The following IFNAR1 variants were observed in gnomAD, a reference collection of about 807,000 sequenced individuals.
IFNAR1 encodes the protein interferon alpha and beta receptor subunit 1.
In IFNAR1, 47 loss-of-function variants were observed where a neutral mutation model predicts 62.1. That is an observed-to-expected ratio of 0.76 (90% CI 0.60 to 0.97). The LOEUF (loss-of-function observed/expected upper bound fraction) is 0.97. IFNAR1 is among the 50% of genes least tolerant of loss of function. The probability of loss-of-function intolerance (pLI) is 0.00; values close to 1 mark genes in which losing one functional copy is unlikely to be tolerated. For synonymous variants in IFNAR1, 219 were observed against 226.9 expected (o/e 0.97, Z 0.31); for missense variants, 638 against 654.5 (o/e 0.97, Z 0.27).
At chr21:33,325,396 C>T (rs1018941072) in intron 1 of IFNAR1, among the ~76,000 whole-genome samples, 1 of 152,190 alleles carries the variant, frequency 6.6e-6, no homozygotes, top group Non-Finnish European at 1.5e-5. Context: ...ATGGCGGTGC[C>T]AGAGCTTTGT....
intron 6 of IFNAR1, among the ~76,000 whole-genome samples, chr21:33,347,330 G>T (rs567499421): frequency 2.0e-5 from 3 of 152,154 alleles, no homozygotes; most frequent in African/African-American, 7.2e-5. Flanking sequence ...GGGTTTCACC[G>T]TATTGGCCAG....
intron 9 of IFNAR1, 54 bp downstream of exon 9, chr21:33,352,962 A>G (rs1222217436): frequency 6.2e-6 from 8 of 1,286,450 alleles, no homozygotes; most frequent in Middle Eastern, 2.0e-4. Context: ...AATAAAAGTA[A>G]TTCTATACTG....
At chr21:33,345,126 G>T (rs1271369550) in intron 5 of IFNAR1, 120 bp from the exon 6 acceptor site, 2 of 631,924 alleles carry the variant, frequency 3.2e-6, no homozygotes, top group Non-Finnish European at 5.7e-6. Flanking sequence ...TACATAGTGT[G>T]AATACAAACC....
chr21:33,345,215 T>G, intron 5 of IFNAR1, 31 bp from the exon 6 acceptor site: 1 of 1,044,340 alleles, frequency 9.6e-7, no homozygotes, highest in Non-Finnish European at 1.5e-6. Flanking sequence ...TAAAAATGTG[T>G]GCTTTTTTTT....
intron 5 of IFNAR1, among the ~76,000 whole-genome samples, chr21:33,344,765 CTTA>C (rs2083328710): frequency 8.2e-6 from 1 of 122,026 alleles, no homozygotes; most frequent in South Asian, 2.4e-4. Context: ...TTCTTTTTTA[CTTA>C]TTTATTTATT....
chr21:33,352,757 G>C lies in IFNAR1; in HGVS notation c.1144-1G>C. 1.4e-6 allele frequency: 2 copies of C among 1,459,698 alleles called. No individual in the cohort carries two copies. The highest frequency in any genetic ancestry group is 1.9e-6 in the Non-Finnish European group (2 of 1,064,576). 90.4% of individuals were successfully genotyped at this position (1,459,698 alleles called of 1,614,324 possible). On this transcript the variant is annotated splice_acceptor_variant, in intron 8 of 10. Transcript: ENST00000270139. LOFTEE classifies it high-confidence loss of function. ...ATCAGTGATTTAATTATATTTTCTA[G>C]AGAAAAATTATCGAGAAAAAAACTG...
rs2834199 is a variant in IFNAR1, at chr21:33,355,210, G to A, written c.1441-106G>A. 3,462 of 619,242 alleles carry A rather than the reference G, an allele frequency of 5.6e-3. 98 individuals carry two copies. In the African/African-American group the frequency reaches 0.06, roughly 11 times the overall value. 38.4% of individuals were successfully genotyped at this position (619,242 alleles called of 1,614,324 possible). ...TTTTTAATATGCATGCCAGAAGATA[G>A]GTTTTCTCAGTAATGGATGTAAGAA... is the stretch of plus-strand genomic sequence containing the variant. On this transcript the variant is annotated intron_variant, in intron 10 of 10. Coordinates refer to ENST00000270139, the MANE Select transcript of IFNAR1 (RefSeq NM_000629.3).
At chr21:33,337,782 A>G (rs1312579078) in intron 2 of IFNAR1, among the ~76,000 whole-genome samples, 2 of 52,714 alleles carry the variant, frequency 3.8e-5, no homozygotes, top group African/African-American at 1.7e-4. Context: ...CACACTGTAT[A>G]TGTATATGTA....
chr21:33,355,522 T>C lies in IFNAR1; in HGVS notation c.1647T>C (p.Ser549=), dbSNP rs1190098825. The change falls in exon 11 of 11, where the codon AGT becomes AGC. Residue 549 remains serine, a synonymous_variant. Coordinates refer to ENST00000270139, the MANE Select transcript of IFNAR1 (RefSeq NM_000629.3). The stretch of plus-strand genomic sequence containing the variant: ...AAGATGAAAGCGAAAGTAAAACAAG[T>C]GAAGAACTACAGCAGGACTTTGTAT... ...SNEDESESKT[S]EELQQDFV 3 of 1,596,988 alleles carry C rather than the reference T, an allele frequency of 1.9e-6. No individual in the cohort carries two copies. The highest frequency in any genetic ancestry group is 2.3e-5 in the South Asian group (2 of 88,104).
chr21:33,355,170 A>G (rs1337496701), intron 10 of IFNAR1, 146 bp from the exon 11 acceptor site: 1 of 534,642 alleles, frequency 1.9e-6, no homozygotes, highest in South Asian at 2.6e-5. Flanking sequence ...GGCAATTAGT[A>G]TGTTCTTAGG....
chr21:33,336,800 G>T (rs937648300), intron 2 of IFNAR1, among the ~76,000 whole-genome samples: 5 of 145,680 alleles, frequency 3.4e-5, no homozygotes, highest in East Asian at 2.0e-4. Context: ...AACCAGGCTG[G>T]AGTGCAGTGG....
At chr21:33,334,824 A>C in intron 1 of IFNAR1, 1 of 917,266 alleles carries the variant, frequency 1.1e-6, no homozygotes, top group Non-Finnish European at 1.8e-6. Context: ...TTCATGACCC[A>C]GGTGGTGATC....
chr21:33,340,917 T>G, intron 2 of IFNAR1, 82 bp from the exon 3 acceptor site: 1 of 878,114 alleles, frequency 1.1e-6, no homozygotes, highest in Non-Finnish European at 1.8e-6. Flanking sequence ...AAGAAATAAC[T>G]CTTATACCAG....
intron 1 of IFNAR1, among the ~76,000 whole-genome samples, chr21:33,333,239 A>G (rs955803719): frequency 2.6e-5 from 4 of 152,212 alleles, no homozygotes; most frequent in Non-Finnish European, 4.4e-5. Flanking sequence ...CAGCAAAACT[A>G]TCCTTCAGGA....
At chr21:33,342,688 CAAAAAA>C (rs757422966) in intron 3 of IFNAR1, among the ~76,000 whole-genome samples, 2 of 93,518 alleles carry the variant, frequency 2.1e-5, no homozygotes, top group African/African-American at 8.0e-5. Flanking sequence ...ACTAAAAATA[CAAAAAA>C]AAAAAAAAAA....
chr21:33,335,698 A>C (rs1341012921), intron 2 of IFNAR1, 51 bp downstream of exon 2: 2 of 1,371,668 alleles, frequency 1.5e-6, no homozygotes, highest in African/African-American at 1.5e-5. Context: ...TAATTTTTAC[A>C]AGTTTAACAA....
intron 8 of IFNAR1, among the ~76,000 whole-genome samples, chr21:33,350,405 T>C (rs1172412244): frequency 6.6e-6 from 1 of 152,078 alleles, no homozygotes; most frequent in Admixed American, 6.6e-5. Context: ...TTGGAAAGCA[T>C]TCTTCCAAAG....
In IFNAR1 at chr21:33,355,750, G is replaced by GC; in HGVS notation, c.*202dup. The GC allele has an allele frequency of 3.4e-6, 1 of 297,680 alleles. No individual in the cohort carries two copies. Among genetic ancestry groups the GC allele is most frequent in the Admixed American group, 4.8e-5 (1 of 20,838 alleles). The allele number at this position is 297,680 out of a possible 1,614,324, so 18.4% of individuals were successfully genotyped here. On this transcript the variant is annotated 3_prime_UTR_variant, in exon 11 of 11. Transcript: ENST00000270139. ...TGAAATTACAGGCCCGGGCACGGTG[G>GC]CTCACACCTGTAATCCCAGCACTTT...
At chr21:33,331,900 C>T (rs1434287728) in intron 1 of IFNAR1, among the ~76,000 whole-genome samples, 5 of 152,176 alleles carry the variant, frequency 3.3e-5, no homozygotes, top group African/African-American at 9.7e-5. Context: ...ACAACCCATT[C>T]TCTGGGCCTA....
Sources: allele counts gnomAD v4.1 joint callset (sites outside exome capture counted in the v4.1 genomes callset), GRCh38; gene constraint gnomAD v4.1.1; transcripts MANE v1.5; gene names NCBI Gene and HGNC (gene_info 2026-07-23, HGNC 2026-07-21).